The following ZMPSTE24 variants were observed in gnomAD, a reference collection of about 807,000 sequenced individuals.
ZMPSTE24 encodes the protein CAAX prenyl protease 1 homolog.
Under a neutral mutation model 56.7 loss-of-function variants are expected in ZMPSTE24, and 48 were observed. That is an observed-to-expected ratio of 0.85 (90% CI 0.67 to 1.08). The LOEUF (loss-of-function observed/expected upper bound fraction) is 1.08. ZMPSTE24 is among the 50% of genes least tolerant of loss of function. ZMPSTE24 has a pLI of 0.00. For synonymous variants in ZMPSTE24, 172 were observed against 195.2 expected, an observed-to-expected ratio of 0.88 and a Z score of 0.99; for missense variants, 503 against 548.7, an observed-to-expected ratio of 0.92 and a Z score of 0.83.
intron 5 of ZMPSTE24, 47 bp downstream of exon 5, chr1:40,270,174 G>A (rs771548964): frequency 6.3e-7 from 1 of 1,596,076 alleles, no homozygotes; most frequent in East Asian, 2.2e-5. Flanking sequence ...GTTCCTTGGT[G>A]AGATTACTGT....
intron 5 of ZMPSTE24, among the ~76,000 whole-genome samples, chr1:40,270,715 T>A (rs1365910529): frequency 6.6e-6 from 1 of 152,074 alleles, no homozygotes; most frequent in Admixed American, 6.6e-5. Flanking sequence ...CCTTTCCTTT[T>A]CCCTCTCACT....
intron 7 of ZMPSTE24, 136 bp downstream of exon 7, chr1:40,281,663 T>TAA: frequency 1.1e-6 from 1 of 897,322 alleles, no homozygotes; most frequent in Non-Finnish European, 1.7e-6. Flanking sequence ...GGCTCCTTTA[T>TAA]AGTTCTGGTA....
chr1:40,267,839 C>G lies in ZMPSTE24; in HGVS notation c.324C>G (p.Phe108Leu), dbSNP rs962392440. The part of the protein sequence containing the change: ...IPYLWRLSGR[F>L]CGYAGFGPEY... ...ATCTCTGGAGACTTTCTGGACGGTTCTGTGGTTATGCTGGCTTTGGACCAG... is the reference window on the plus strand; with the variant it reads ...ATCTCTGGAGACTTTCTGGACGGTTGTGTGGTTATGCTGGCTTTGGACCAG... Residue 108 changes from phenylalanine (F) to leucine (L), a missense_variant, in exon 3 of 10, where the codon TTC becomes TTG. Physicochemically the swap from Phe to Leu is conservative, Grantham distance 22. Coordinates refer to ENST00000372759, the MANE Select transcript of ZMPSTE24 (RefSeq NM_005857.5). 2.5e-6 allele frequency: 4 copies of G among 1,613,752 alleles called. No individual in the cohort carries two copies. Among genetic ancestry groups the G allele is most frequent in the Non-Finnish European group, 3.4e-6 (4 of 1,179,780 alleles).
chr1:40,291,010 C>A lies in ZMPSTE24; in HGVS notation c.1203+13C>A, dbSNP rs1290269860. On this transcript the variant is annotated intron_variant, in intron 9 of 9. Transcript: ENST00000372759. Reference sequence around the variant, plus strand: ...ACCTTACAATGAGGTAATGTATGATCTTTAAAATTATCACACATATGCTCT... The same window carrying A: ...ACCTTACAATGAGGTAATGTATGATATTTAAAATTATCACACATATGCTCT... The A allele has an allele frequency of 1.9e-6, 3 of 1,613,186 alleles. No individual in the cohort carries two copies. Among genetic ancestry groups the A allele is most frequent in the Non-Finnish European group, 8.5e-7 (1 of 1,179,508 alleles).
At chr1:40,268,638 G>GAATTGAGAAAA (rs1643581056) in intron 4 of ZMPSTE24, 103 bp downstream of exon 4, 2 of 820,680 alleles carry the variant, frequency 2.4e-6, no homozygotes, top group South Asian at 3.3e-5. Context: ...TTCAGAGTAT[G>GAATTGAGAAAA]AATTGAGAAA....
chr1:40,287,363 C>A (rs145683134), intron 8 of ZMPSTE24, among the ~76,000 whole-genome samples: 8 of 152,260 alleles, frequency 5.3e-5, no homozygotes, highest in African/African-American at 1.7e-4. Context: ...GCCACCGTGC[C>A]CGGTCTAAAA....
intron 2 of ZMPSTE24, among the ~76,000 whole-genome samples, chr1:40,267,542 T>C (rs867130032): frequency 6.7e-6 from 1 of 148,494 alleles, no homozygotes; most frequent in Admixed American, 6.7e-5. Context: ...TTTTTAAATT[T>C]TTTGTAGAGA....
intron 4 of ZMPSTE24, among the ~76,000 whole-genome samples, chr1:40,268,920 C>T (rs1643583830): frequency 6.7e-6 from 1 of 150,370 alleles, no homozygotes; most frequent in South Asian, 2.1e-4. Context: ...ACTGAAAATA[C>T]AAAAAATTAG....
At chr1:40,281,589 C>G in intron 7 of ZMPSTE24, 62 bp downstream of exon 7, 1 of 1,517,854 alleles carries the variant, frequency 6.6e-7, no homozygotes, top group Non-Finnish European at 9.0e-7. Flanking sequence ...TGTGACAACT[C>G]AAAATAACAT....
Position 40,281,362 on chromosome 1 carries a change from C to T in ZMPSTE24, c.789C>T (p.His263=). The T allele has an allele frequency of 6.2e-7, 1 of 1,614,064 alleles. No individual in the cohort carries two copies. Among genetic ancestry groups the T allele is most frequent in the South Asian group, 1.1e-5 (1 of 91,080 alleles). ...YVVEGSKRSS[H]SNAYFYGFFK... is the part of the protein sequence containing the mutation. The stretch of plus-strand genomic sequence containing the variant: ...CCTTAGGATCTAAACGCTCTTCCCA[C>T]AGCAATGCTTATTTTTATGGCTTCT... The change falls in exon 7 of 10, where the codon CAC becomes CAT. Residue 263 remains histidine (H), a synonymous_variant. Transcript: ENST00000372759.
chr1:40,267,123 T>G (rs1643557766), intron 2 of ZMPSTE24, among the ~76,000 whole-genome samples: 1 of 151,828 alleles, frequency 6.6e-6, no homozygotes, highest in Non-Finnish European at 1.5e-5. Flanking sequence ...GACAAAAGGT[T>G]TTTTTTTGTT....
chr1:40,267,986 A>G lies in ZMPSTE24; in HGVS notation c.357+114A>G, dbSNP rs7516571. 0.25 allele frequency: 218,804 copies of G among 888,632 alleles called. 27,870 individuals carry two copies. The highest frequency in any genetic ancestry group is 0.27 in the African/African-American group (16,198 of 61,112). 55.0% of individuals were successfully genotyped at this position (888,632 alleles called of 1,614,324 possible). On this transcript the variant is annotated intron_variant, in intron 3 of 9. Transcript: ENST00000372759. ...TGTTAAGATTTGCCTCTCTGTTTGC[A>G]TAGTCCTTGGTTACCCATGCTGTAT...
intron 9 of ZMPSTE24, 142 bp downstream of exon 9, chr1:40,291,139 GGTCA>G (rs1643839864): frequency 8.9e-7 from 1 of 1,129,422 alleles, no homozygotes; most frequent in Non-Finnish European, 1.2e-6. Context: ...CTGATTCACT[GGTCA>G]GTATGACAAA....
intron 8 of ZMPSTE24, 198 bp from the exon 9 acceptor site, chr1:40,290,656 G>A: frequency 2.1e-6 from 1 of 484,056 alleles, no homozygotes; most frequent in Non-Finnish European, 3.7e-6. Context: ...TAGAGACGGG[G>A]TTTCACCATG....
intron 2 of ZMPSTE24, among the ~76,000 whole-genome samples, chr1:40,263,285 T>C (rs2124577258): frequency 6.6e-6 from 1 of 152,370 alleles, no homozygotes; most frequent in East Asian, 1.9e-4. Context: ...TAATAGTTAA[T>C]AGTCGTCATG....
rs1205096396 is a variant in ZMPSTE24, at chr1:40,271,056, G to T, written c.628-838G>T. 2.0e-5 allele frequency among the ~76,000 whole-genome samples: 3 copies of T among 152,166 alleles called. No homozygotes were observed. The South Asian group carries it at 6.2e-4, about 32-fold the overall frequency. Reference sequence around the variant, plus strand: ...TCAGCTCTTCAGCTCCACTGATGAGGTTTATTTTATTTTAGAGATAGGGCC... The same window carrying T: ...TCAGCTCTTCAGCTCCACTGATGAGTTTTATTTTATTTTAGAGATAGGGCC... On this transcript the variant is annotated intron_variant, in intron 5 of 9. Transcript: ENST00000372759.
intron 7 of ZMPSTE24, among the ~76,000 whole-genome samples, chr1:40,282,755 C>T (rs946336098): frequency 6.6e-6 from 1 of 152,146 alleles, no homozygotes; most frequent in Non-Finnish European, 1.5e-5. Context: ...GTATCTTGTG[C>T]ATCACAGGAT....
chr1:40,292,524 C>T lies in ZMPSTE24; in HGVS notation c.1283C>T (p.Ala428Val). 1 of 1,614,160 alleles carries T rather than the reference C, an allele frequency of 6.2e-7. No homozygotes were observed. The highest frequency in any genetic ancestry group is 8.5e-7 in the Non-Finnish European group (1 of 1,180,020). Residue 428 changes from alanine (A) to valine (V), a missense_variant, in exon 10 of 10, where the codon GCT (alanine) becomes GTT (valine). Ala to Val is a moderately conservative substitution (Grantham distance 64, BLOSUM62 0). Coordinates refer to ENST00000372759, the MANE Select transcript of ZMPSTE24 (RefSeq NM_005857.5). ...GCATTTGCCAAGAAACTTGGGAAGG[C>T]TAAAGACTTATATTCTGCTTTAATC... ...ADAFAKKLGK[A>V]KDLYSALIKL...
At chr1:40,286,648 T>C (rs1312597452) in intron 8 of ZMPSTE24, among the ~76,000 whole-genome samples, 2 of 151,816 alleles carry the variant, frequency 1.3e-5, no homozygotes, top group East Asian at 3.9e-4. Flanking sequence ...CTCGAACTCC[T>C]GACCTCAGGT....
Sources: allele counts gnomAD v4.1 joint callset (sites outside exome capture counted in the v4.1 genomes callset), GRCh38; gene constraint gnomAD v4.1.1; transcripts MANE v1.5; gene names NCBI Gene and HGNC (gene_info 2026-07-23, HGNC 2026-07-21).